The following ZNF853 variants were observed in gnomAD, a reference collection of about 807,000 sequenced individuals.
ZNF853 encodes zinc finger protein 853.
Under a neutral mutation model 94.7 loss-of-function variants are expected in ZNF853, and 57 were observed. The ratio of observed to expected loss-of-function variants is 0.60; its 90% CI spans 0.49 to 0.75. The LOEUF is 0.75. Ranked by LOEUF, ZNF853 falls within the 30% of genes least tolerant of loss-of-function variation. The probability of loss-of-function intolerance (pLI) is 0.00; values close to 1 mark genes in which losing one functional copy is unlikely to be tolerated. For synonymous variants in ZNF853, 448 were observed against 406.3 expected (o/e 1.10, Z -1.23); for missense variants, 785 against 868.9 (o/e 0.90, Z 1.21).
At position 6,616,065 on chromosome 7, in the gene ZNF853, C is replaced by G. The variant is rs1302237161; in HGVS notation, c.-110C>G. Reference sequence around the variant, plus strand: ...CGGGGTGGCCCTGCGCCTCCTGGCTCTTTCTGGATGGAGGCGCCTCCGGAA... The same window carrying G: ...CGGGGTGGCCCTGCGCCTCCTGGCTGTTTCTGGATGGAGGCGCCTCCGGAA... On this transcript the variant is annotated 5_prime_UTR_variant, in exon 1 of 3. Coordinates refer to ENST00000457543, the MANE Select transcript of ZNF853 (RefSeq NM_017560.3). 6.1e-6 allele frequency: 7 copies of G among 1,156,936 alleles called. No homozygotes were observed. The highest frequency in any genetic ancestry group is 8.6e-6 in the Non-Finnish European group (7 of 814,396). 71.7% of individuals were successfully genotyped at this position (1,156,936 alleles called of 1,614,324 possible).
Position 6,617,173 on chromosome 7 carries a change from C to T in ZNF853, c.13-17C>T. 3.7e-5 allele frequency: 57 copies of T among 1,536,704 alleles called. No individual in the cohort carries two copies. The highest frequency in any genetic ancestry group is 4.7e-5 in the Non-Finnish European group (54 of 1,140,728). ...GCACTCCAGCCTGGCTAAACTGCTT[C>T]CTTCCTTTCAGCACAGCCGACTCCC... On this transcript the variant is annotated splice_polypyrimidine_tract_variant and intron_variant, in intron 1 of 2. Transcript: ENST00000457543.
Position 6,621,783 on chromosome 7 carries a change from G to A in ZNF853, c.792G>A (p.Gln264=). 2 of 1,550,548 alleles carry A rather than the reference G, an allele frequency of 1.3e-6. No homozygotes were observed. Among genetic ancestry groups the A allele is most frequent in the Non-Finnish European group, 1.7e-6 (2 of 1,146,932 alleles). Residue 264 remains glutamine, a synonymous_variant, in exon 3 of 3, where the codon CAG becomes CAA. Transcript: ENST00000457543. ...AGCAGCAGCAGGCACAGTTACAACA[G>A]CAGCTGCTGGAACAGCAGCAGGCAC... is the stretch of plus-strand genomic sequence containing the variant. ...LLQQQQAQLQ[Q]QLLEQQQAQL...
At chr7:6,616,244 T>G in intron 1 of ZNF853, 58 bp downstream of exon 1, 12 of 1,520,368 alleles carry the variant, frequency 7.9e-6, no homozygotes, top group Non-Finnish European at 1.1e-5. Context: ...TTGAGAGAGT[T>G]TGGACTGGAT....
chr7:6,616,201 G>A lies in ZNF853; in HGVS notation c.12+15G>A. 13 of 1,547,790 alleles carry A rather than the reference G, an allele frequency of 8.4e-6. No homozygotes were observed. Among genetic ancestry groups the A allele is most frequent in the Non-Finnish European group, 1.0e-5 (12 of 1,144,840 alleles). On this transcript the variant is annotated intron_variant, in intron 1 of 2. Transcript: ENST00000457543. ...TGCTCCACCAGGTGAGGCCCAGGGG[G>A]TCGTTGGCGCTGGGCAACCGGGGAC...
At chr7:6,617,580 G>A in intron 2 of ZNF853, 1 of 985,278 alleles carries the variant, frequency 1.0e-6, no homozygotes, top group African/African-American at 1.7e-5. Flanking sequence ...TGTGTTTCCT[G>A]GCAGCCAGAG....
chr7:6,619,420 C>T, intron 2 of ZNF853, among the ~76,000 whole-genome samples: 1 of 151,978 alleles, frequency 6.6e-6, no homozygotes, highest in African/African-American at 2.4e-5. Flanking sequence ...TACAGGCGCA[C>T]ACCACCACGC....
chr7:6,622,890 C>G lies in ZNF853; in HGVS notation c.1899C>G (p.Ala633=). The change falls in exon 3 of 3, where the codon GCC becomes GCG. Residue 633 remains alanine, a synonymous_variant. Coordinates refer to ENST00000457543, the MANE Select transcript of ZNF853 (RefSeq NM_017560.3). The stretch of plus-strand genomic sequence containing the variant: ...CCAGGGGCCTCGGCCTGCTGCGCGC[C>G]TCGCGGCCGGCGGCCCTCGGTGGCC... The part of the protein sequence containing the change: ...GRSRGLGLLR[A]SRPAALGGPA... 1 of 1,265,404 alleles carries G rather than the reference C, an allele frequency of 7.9e-7. No homozygotes were observed. Among genetic ancestry groups the G allele is most frequent in the Non-Finnish European group, 9.9e-7 (1 of 1,006,288 alleles). The allele number at this position is 1,265,404 out of a possible 1,614,324, so 78.4% of individuals were successfully genotyped here.
chr7:6,623,443 C>G lies in ZNF853; in HGVS notation c.*472C>G. 1 of 398,330 alleles carries G rather than the reference C, an allele frequency of 2.5e-6. No individual in the cohort carries two copies. The allele number at this position is 398,330 out of a possible 1,614,324, so 24.7% of individuals were successfully genotyped here. A position where few individuals can be genotyped will look rare whatever the true frequency, so the allele number is the denominator to read the frequency against. On this transcript the variant is annotated 3_prime_UTR_variant, in exon 3 of 3. Transcript: ENST00000457543. ...CGGGGAGGAAGCAAACTTGTTTGCA[C>G]TATGTAGAAACTGACCAAGGCATCG... is the stretch of plus-strand genomic sequence containing the variant.
chr7:6,618,258 C>T, intron 2 of ZNF853, among the ~76,000 whole-genome samples: 1 of 152,106 alleles, frequency 6.6e-6, no homozygotes, highest in African/African-American at 2.4e-5. Flanking sequence ...GATCATGCCA[C>T]TGCACTCCAG....
In ZNF853 at chr7:6,624,288, C is replaced by A. The variant is rs1671595188; in HGVS notation, c.*1317C>A. On this transcript the variant is annotated 3_prime_UTR_variant, in exon 3 of 3. Transcript: ENST00000457543. ...AAAAATAAATTAAAATGCAGAAATACAATGTCCTTGTCTTGGTGTTTTCAC... is the reference window on the plus strand; with the variant it reads ...AAAAATAAATTAAAATGCAGAAATAAAATGTCCTTGTCTTGGTGTTTTCAC... 1 of 152,146 alleles carries A rather than the reference C, an allele frequency of 6.6e-6. No homozygotes were observed. The highest frequency in any genetic ancestry group is 2.4e-5 in the African/African-American group (1 of 41,410). 9.4% of individuals were successfully genotyped at this position (152,146 alleles called of 1,614,324 possible).
intron 2 of ZNF853, among the ~76,000 whole-genome samples, chr7:6,618,226 G>A: frequency 2.0e-5 from 3 of 152,124 alleles, no homozygotes; most frequent in East Asian, 1.9e-4. Context: ...GAACCCAGGA[G>A]GCAGAGGTTG....
intron 2 of ZNF853, chr7:6,617,663 G>A (rs934421671): frequency 4.7e-5 from 46 of 985,168 alleles, no homozygotes; most frequent in Non-Finnish European, 5.4e-5. Context: ...TCCGATTCAG[G>A]TACTAATAGG....
chr7:6,620,922 A>G lies in ZNF853; in HGVS notation c.131-200A>G. On this transcript the variant is annotated intron_variant, in intron 2 of 2. Transcript: ENST00000457543. ...AGCCACTGTGCCCGGCCACCTGGGC[A>G]CATTTCCAAGCCACCCCTGCCCCTG... is the stretch of plus-strand genomic sequence containing the variant. 4.6e-3 allele frequency among the ~76,000 whole-genome samples: 698 copies of G among 152,290 alleles called. 3 individuals are homozygous for G. Among genetic ancestry groups the G allele is most frequent in the African/African-American group, 0.015 (636 of 41,564 alleles).
chr7:6,618,140 A>G, intron 2 of ZNF853, among the ~76,000 whole-genome samples: 1 of 151,872 alleles, frequency 6.6e-6, no homozygotes, highest in Non-Finnish European at 1.5e-5. Context: ...TCTTTACTAC[A>G]AATACAAAAA....
rs1403705897 is a variant in ZNF853, at chr7:6,621,655, C to A, written c.664C>A (p.Gln222Lys). The A allele has an allele frequency of 6.5e-7, 1 of 1,549,974 alleles. No homozygotes were observed. The highest frequency in any genetic ancestry group is 2.0e-5 in the Admixed American group (1 of 51,000). The change falls in exon 3 of 3, where the codon CAG (glutamine) becomes AAG (lysine). Residue 222 changes from glutamine (Q) to lysine (K), a missense_variant. Transcript: ENST00000457543. ...QQQQLLQQQE[Q>K]LQQQQFQQQQ... ...GCAGCAGCTGCTACAACAGCAGGAA[C>A]AGTTACAGCAGCAACAGTTTCAACA...
At position 6,623,268 on chromosome 7, in the gene ZNF853, A is replaced by G; in HGVS notation, c.*297A>G. 2.5e-6 allele frequency: 1 copy of G among 398,828 alleles called. No individual in the cohort carries two copies. The allele number at this position is 398,828 out of a possible 1,614,324, so 24.7% of individuals were successfully genotyped here. A position where few individuals can be genotyped will look rare whatever the true frequency, so the allele number is the denominator to read the frequency against. On this transcript the variant is annotated 3_prime_UTR_variant, in exon 3 of 3. Transcript: ENST00000457543. ...TGCCAAAGGTTTTCCCTCCGGGAAA[A>G]CTGGACTTACTACGAACGAGGAAAA...
At position 6,616,107 on chromosome 7, in the gene ZNF853, C is replaced by G; in HGVS notation, c.-68C>G. On this transcript the variant is annotated 5_prime_UTR_variant, in exon 1 of 3. Transcript: ENST00000457543. ...CCTCCGGAAGGAGCCGGCTGCACGCCGTGGCCTTCACCTCGCAGCCTCTGC... is the reference window on the plus strand; with the variant it reads ...CCTCCGGAAGGAGCCGGCTGCACGCGGTGGCCTTCACCTCGCAGCCTCTGC... 6.7e-7 allele frequency: 1 copy of G among 1,493,384 alleles called. No individual in the cohort carries two copies. Among genetic ancestry groups the G allele is most frequent in the Non-Finnish European group, 9.1e-7 (1 of 1,103,110 alleles). The allele number at this position is 1,493,384 out of a possible 1,614,324, so 92.5% of individuals were successfully genotyped here. A position where few individuals can be genotyped will look rare whatever the true frequency, so the allele number is the denominator to read the frequency against.
chr7:6,617,984 G>C, intron 2 of ZNF853, among the ~76,000 whole-genome samples: 1 of 152,062 alleles, frequency 6.6e-6, no homozygotes, highest in Non-Finnish European at 1.5e-5. Context: ...GAGGGGGTGG[G>C]ATGGGGATGT....
Position 6,623,158 on chromosome 7 carries a change from C to T in ZNF853, c.*187C>T, listed in dbSNP as rs555547951. 80 of 542,660 alleles carry T rather than the reference C, an allele frequency of 1.5e-4. No individual in the cohort carries two copies. The African/African-American group carries it at 1.5e-3, about 10-fold the overall frequency. The allele number at this position is 542,660 out of a possible 1,614,324, so 33.6% of individuals were successfully genotyped here. On this transcript the variant is annotated 3_prime_UTR_variant, in exon 3 of 3. Transcript: ENST00000457543. Reference sequence around the variant, plus strand: ...AAAATACCAGGTTCACAGATTTCACCGCCAGAAAAATCCATCCGCCAAAAG... The same window carrying T: ...AAAATACCAGGTTCACAGATTTCACTGCCAGAAAAATCCATCCGCCAAAAG...
Sources: gnomAD v4.1 joint callset for allele counts (sites outside exome capture counted in the v4.1 genomes callset) on GRCh38, gnomAD v4.1.1 for gene constraint, MANE v1.5 for transcripts, NCBI Gene and HGNC (gene_info 2026-07-23, HGNC 2026-07-21) for gene names.